Variants in EBF3 observed in about 807,000 individuals in gnomAD.
The protein encoded by EBF3 is transcription factor COE3.
Under a neutral mutation model 77.1 loss-of-function variants are expected in EBF3, and 18 were observed. The ratio of observed to expected loss-of-function variants is 0.23; its 90% confidence interval spans 0.16 to 0.35. The LOEUF is 0.35. EBF3 is among the 10% of genes least tolerant of loss of function. EBF3 has a pLI of 1.00. For missense variants in EBF3, 558 were observed against 860.0 expected (o/e 0.65, Z 4.39); for synonymous variants, 350 against 343.5 (o/e 1.02, Z -0.21).
intron 6 of EBF3, among the ~76,000 whole-genome samples, chr10:129,878,539 T>G (rs11016997): frequency 0.19 from 29,209 of 151,262 alleles, 2,950 homozygotes; most frequent in African/African-American, 0.25. Flanking sequence ...TGCGGTGGCA[T>G]GTGCCTATAA....
chr10:129,954,623 G>A (rs183646961), intron 6 of EBF3, among the ~76,000 whole-genome samples: 1 of 152,256 alleles, frequency 6.6e-6, no homozygotes, highest in Admixed American at 6.5e-5. Context: ...GCTCGGTGTG[G>A]GTTGGAACAA....
chr10:129,908,043 C>T (rs1388419906), intron 6 of EBF3, among the ~76,000 whole-genome samples: 1 of 152,172 alleles, frequency 6.6e-6, no homozygotes, highest in African/African-American at 2.4e-5. Context: ...TGCCATTTCT[C>T]CTCTGATATG....
At position 129,879,591 on chromosome 10, in the gene EBF3, C is replaced by T. The variant is rs1853050802; in HGVS notation, c.555-1742G>A. Among the ~76,000 whole-genome samples the T allele has an allele frequency of 6.6e-6, 1 of 151,794 alleles. No individual in the cohort carries two copies. Among genetic ancestry groups the T allele is most frequent in the Admixed American group, 6.6e-5 (1 of 15,252 alleles). On this transcript the variant is annotated intron_variant, in intron 6 of 16. Transcript: ENST00000440978. This position sits in a 1 kb window ranked among gnomAD's most constrained non-coding sequence, Gnocchi z 4.7. ...AATTTTCCTGCATACCATGAGGCCTCACCATTTTAGGCCAGAATTTACATC... is the reference window on the plus strand; with the variant it reads ...AATTTTCCTGCATACCATGAGGCCTTACCATTTTAGGCCAGAATTTACATC...
chr10:129,939,558 G>A (rs1277563712), intron 6 of EBF3, among the ~76,000 whole-genome samples: 2 of 152,212 alleles, frequency 1.3e-5, no homozygotes, highest in Non-Finnish European at 2.9e-5. Context: ...TGCCAAGCGT[G>A]GTGAGGAAAC....
In EBF3 at chr10:129,943,156, G is replaced by A. The variant is rs570392042; in HGVS notation, c.554+14102C>T. ...AACTTCCTCCACATAAACAAGGCCC[G>A]CCAGAGCCAGAGAGCTGCCAGGCAG... On this transcript the variant is annotated intron_variant, in intron 6 of 16. Coordinates refer to ENST00000440978, the MANE Select transcript of EBF3 (RefSeq NM_001375380.1). The surrounding 1 kb of genome is among the most constrained non-coding windows in gnomAD (Gnocchi z 8.8). 2.6e-4 allele frequency among the ~76,000 whole-genome samples: 39 copies of A among 152,274 alleles called. No individual in the cohort carries two copies. The highest frequency in any genetic ancestry group is 4.3e-4 in the African/African-American group (18 of 41,556).
chr10:129,855,737 G>A (rs1447516783), intron 10 of EBF3, among the ~76,000 whole-genome samples: 1 of 152,188 alleles, frequency 6.6e-6, no homozygotes, highest in Non-Finnish European at 1.5e-5. Context: ...AGATGTGTGC[G>A]ATTGAATGCT....
intron 11 of EBF3, among the ~76,000 whole-genome samples, chr10:129,847,348 A>C (rs965173370): frequency 6.6e-6 from 1 of 152,142 alleles, no homozygotes; most frequent in Admixed American, 6.5e-5. Flanking sequence ...GCAGGCCTCG[A>C]TTCTTCCCGG....
intron 10 of EBF3, among the ~76,000 whole-genome samples, chr10:129,858,396 G>GT (rs1286927625): frequency 6.6e-6 from 1 of 152,206 alleles, no homozygotes; most frequent in African/African-American, 2.4e-5. Context: ...CTGTTCCATC[G>GT]TAAGAGCCCT....
chr10:129,934,075 T>C (rs1301696390), intron 6 of EBF3, among the ~76,000 whole-genome samples: 1 of 152,170 alleles, frequency 6.6e-6, no homozygotes, highest in Admixed American at 6.5e-5. Context: ...ATGTCCCTGC[T>C]TCTCCAAAAT....
In EBF3 at chr10:129,873,540, G is replaced by A; in HGVS notation, c.693C>T (p.Asn231=). ...VDGHVLAVSD[N]MFVHNNSKHG... ...GTTTGGAATTGTTGTGCACAAACAT[G>A]TTGTCTGACACGGCCAGCACGTGGC... Residue 231 remains asparagine (N), a synonymous_variant, in exon 8 of 17, where the codon AAC becomes AAT. Transcript: ENST00000440978. 3 of 1,591,548 alleles carry A rather than the reference G, an allele frequency of 1.9e-6. No individual in the cohort carries two copies. Among genetic ancestry groups the A allele is most frequent in the Non-Finnish European group, 8.6e-7 (1 of 1,166,254 alleles).
intron 6 of EBF3, among the ~76,000 whole-genome samples, chr10:129,932,825 C>T (rs565912705): frequency 1.4e-4 from 21 of 152,104 alleles, no homozygotes; most frequent in African/African-American, 4.8e-4. Context: ...TAAAACCAGC[C>T]GTCATCCTCA....
intron 8 of EBF3, 112 bp from the exon 9 acceptor site, chr10:129,868,024 C>G (rs1415850171): frequency 6.8e-7 from 1 of 1,464,490 alleles, no homozygotes; most frequent in Admixed American, 2.2e-5. Flanking sequence ...GCGCGCCGTT[C>G]CTCCAGGCGG....
chr10:129,853,937 A>G (rs1465903338), intron 10 of EBF3, among the ~76,000 whole-genome samples: 1 of 152,204 alleles, frequency 6.6e-6, no homozygotes, highest in Non-Finnish European at 1.5e-5. Context: ...TGAGCAAATG[A>G]TTGTGCGGTG....
At chr10:129,869,415 G>A (rs1852256684) in intron 8 of EBF3, among the ~76,000 whole-genome samples, 1 of 145,092 alleles carries the variant, frequency 6.9e-6, no homozygotes, top group Non-Finnish European at 1.5e-5. Flanking sequence ...GCCAGCTCCT[G>A]GCTTTGCTCC....
rs985980701 is a variant in EBF3 at position 129,837,787 on chromosome 10, T to C, written c.*156A>G. Reference sequence around the variant, plus strand: ...TTCTTAATAGTTTAAATAAAATCTTTAAACAAAGTCTTTTGTAGCATTTCA... The same window carrying C: ...TTCTTAATAGTTTAAATAAAATCTTCAAACAAAGTCTTTTGTAGCATTTCA... On this transcript the variant is annotated 3_prime_UTR_variant, in exon 17 of 17. Transcript: ENST00000440978. 1.2e-5 allele frequency: 11 copies of C among 945,744 alleles called. No homozygotes were observed. The highest frequency in any genetic ancestry group is 1.8e-5 in the Non-Finnish European group (11 of 625,766). 58.6% of individuals were successfully genotyped at this position (945,744 alleles called of 1,614,324 possible).
intron 6 of EBF3, among the ~76,000 whole-genome samples, chr10:129,924,390 G>A (rs575254961): frequency 6.6e-6 from 1 of 150,982 alleles, no homozygotes; most frequent in Admixed American, 6.6e-5. Flanking sequence ...ACTCCAGCCT[G>A]GGCAACAGAG....
Position 129,841,101 on chromosome 10 carries a change from C to T in EBF3, c.1373-69G>A, listed in dbSNP as rs578047240. On this transcript the variant is annotated intron_variant, in intron 13 of 16. Coordinates refer to ENST00000440978, the MANE Select transcript of EBF3 (RefSeq NM_001375380.1). This position sits in a 1 kb window ranked among gnomAD's most constrained non-coding sequence, Gnocchi z 4.6. ...CGACAGACACTTGGGGGGGGTTCCC[C>T]GAGAATCTATATCATATATTAACAT... 2.2e-5 allele frequency: 34 copies of T among 1,570,700 alleles called. No homozygotes were observed. Among genetic ancestry groups the T allele is most frequent in the African/African-American group, 4.0e-5 (3 of 74,152 alleles).
chr10:129,839,614 G>GTGT (rs1849865541), intron 15 of EBF3, among the ~76,000 whole-genome samples: 1 of 152,204 alleles, frequency 6.6e-6, no homozygotes, highest in Non-Finnish European at 1.5e-5. Context: ...CCTGGTGTTG[G>GTGT]TACACACCTG....
chr10:129,942,509 T>A (rs1857835367), intron 6 of EBF3, among the ~76,000 whole-genome samples: 1 of 152,194 alleles, frequency 6.6e-6, no homozygotes, highest in Non-Finnish European at 1.5e-5. Context: ...TCCCACACGC[T>A]GTAGGGACAG....
Sources: gnomAD v4.1 joint callset for allele counts (sites outside exome capture counted in the v4.1 genomes callset) on GRCh38, gnomAD v4.1.1 for gene constraint, Gnocchi (gnomAD v3.1) non-coding constraint, MANE v1.5 for transcripts, NCBI Gene and HGNC (gene_info 2026-07-23, HGNC 2026-07-21) for gene names.